Variants in XKR4 observed in about 807,000 individuals in gnomAD.
XKR4 encodes the protein XK-related protein 4.
XKR4 carries 12 observed loss-of-function variants against 53.9 expected under a neutral mutation model. That is an observed-to-expected ratio of 0.22 (90% CI 0.14 to 0.36). XKR4 has a LOEUF of 0.36. XKR4 is among the 10% of genes least tolerant of loss of function. The pLI, the probability that XKR4 is intolerant of heterozygous loss-of-function variation, is 1.00. For synonymous variants in XKR4, 354 were observed against 362.4 expected (o/e 0.98, Z 0.26); for missense variants, 799 against 859.5 (o/e 0.93, Z 0.88).
intron 2 of XKR4, among the ~76,000 whole-genome samples, chr8:55,490,711 T>A (rs763605640): frequency 9.7e-4 from 148 of 152,254 alleles, no homozygotes; most frequent in Non-Finnish European, 1.9e-3. Context: ...ATGTTTTTTT[T>A]AATTACTTTT....
At chr8:55,244,275 T>C (rs948999718) in intron 1 of XKR4, among the ~76,000 whole-genome samples, 2 of 152,218 alleles carry the variant, frequency 1.3e-5, no homozygotes, top group African/African-American at 4.8e-5. Flanking sequence ...TGTCTACGTG[T>C]ACTCAATGTT....
intron 2 of XKR4, among the ~76,000 whole-genome samples, chr8:55,373,213 C>T (rs1033182413): frequency 7.2e-5 from 11 of 152,134 alleles, no homozygotes; most frequent in East Asian, 1.9e-4. Context: ...GTCGTCTAGT[C>T]GGGAGTACAG....
intron 1 of XKR4, among the ~76,000 whole-genome samples, chr8:55,342,800 C>A (rs941017004): frequency 7.9e-5 from 12 of 152,202 alleles, no homozygotes; most frequent in Non-Finnish European, 1.8e-4. Flanking sequence ...TCCTTCCTGT[C>A]TTACTTCATT....
intron 2 of XKR4, among the ~76,000 whole-genome samples, chr8:55,487,103 G>A (rs1347806213): frequency 6.6e-6 from 1 of 152,158 alleles, no homozygotes; most frequent in Admixed American, 6.5e-5. Context: ...GCTGCAGGAT[G>A]GCTGAATCCA....
intron 1 of XKR4, among the ~76,000 whole-genome samples, chr8:55,286,020 G>A (rs145377899): frequency 7.9e-5 from 12 of 152,350 alleles, no homozygotes; most frequent in African/African-American, 2.9e-4. Flanking sequence ...CACCTACTGT[G>A]TGTATAAGTC....
rs1806846327 is a variant in XKR4 at position 55,524,098 on chromosome 8, G to A, written c.1824G>A (p.Glu608=). The A allele has an allele frequency of 1.2e-6, 2 of 1,614,256 alleles. No homozygotes were observed. The highest frequency in any genetic ancestry group is 1.7e-6 in the Non-Finnish European group (2 of 1,180,050). The change falls in exon 3 of 3, where the codon GAG becomes GAA. Residue 608 remains glutamate, a synonymous_variant. Coordinates refer to ENST00000327381, the MANE Select transcript of XKR4 (RefSeq NM_052898.2). ...DLFRNRYPAW[E]RHVLDRSLRK... Reference sequence around the variant, plus strand: ...TCAGGAATAGGTACCCAGCATGGGAGAGACATGTTTTGGACCGAAGCCTCC... The same window carrying A: ...TCAGGAATAGGTACCCAGCATGGGAAAGACATGTTTTGGACCGAAGCCTCC...
intron 2 of XKR4, among the ~76,000 whole-genome samples, chr8:55,378,373 T>C (rs1804180919): frequency 6.6e-6 from 1 of 152,204 alleles, no homozygotes; most frequent in Admixed American, 6.5e-5. Flanking sequence ...AACTGGCTAT[T>C]TTTATTGCCT....
At chr8:55,518,882 G>A (rs1048059100) in intron 2 of XKR4, among the ~76,000 whole-genome samples, 2 of 152,182 alleles carry the variant, frequency 1.3e-5, no homozygotes, top group Admixed American at 6.5e-5. Context: ...CAGGAGACAC[G>A]TCTGAAATAA....
chr8:55,474,864 C>T (rs1805955494), intron 2 of XKR4, among the ~76,000 whole-genome samples: 1 of 152,076 alleles, frequency 6.6e-6, no homozygotes, highest in South Asian at 2.1e-4. Context: ...TCTTCTAAAA[C>T]TGAATGTTTG....
At chr8:55,504,906 C>G (rs1806500943) in intron 2 of XKR4, among the ~76,000 whole-genome samples, 1 of 151,900 alleles carries the variant, frequency 6.6e-6, no homozygotes, top group Non-Finnish European at 1.5e-5. Flanking sequence ...TAGTGATGTC[C>G]CAACTTTTGC....
chr8:55,161,403 C>A, intron 1 of XKR4: 1 of 386,612 alleles, frequency 2.6e-6, no homozygotes, highest in South Asian at 1.9e-5. Context: ...ATCACAGTGA[C>A]TGTCATAATT....
chr8:55,212,750 G>A (rs146870195), intron 1 of XKR4, among the ~76,000 whole-genome samples: 1 of 152,256 alleles, frequency 6.6e-6, no homozygotes, highest in African/African-American at 2.4e-5. Context: ...AGCAAATCTC[G>A]TTACAGCAAA....
chr8:55,228,795 G>T (rs1325975526), intron 1 of XKR4, among the ~76,000 whole-genome samples: 1 of 151,520 alleles, frequency 6.6e-6, no homozygotes. Context: ...TTTTCCTTTT[G>T]CATGGTTCAT....
chr8:55,268,361 G>A lies in XKR4; in HGVS notation c.807-89317G>A, dbSNP rs142020607. ...TTATTTCTATCTTAACAGTAAATTG[G>A]TATAATGATACCAATGTTAGTCTCA... On this transcript the variant is annotated intron_variant, in intron 1 of 2. Coordinates refer to ENST00000327381, the MANE Select transcript of XKR4 (RefSeq NM_052898.2). Among the ~76,000 whole-genome samples, 54 of 152,198 alleles carry A rather than the reference G, an allele frequency of 3.5e-4. No homozygotes were observed. The East Asian group carries it at 0.01, about 29-fold the overall frequency.
At chr8:55,513,249 A>G (rs528316255) in intron 2 of XKR4, among the ~76,000 whole-genome samples, 50 of 152,286 alleles carry the variant, frequency 3.3e-4, no homozygotes, top group Non-Finnish European at 6.3e-4. Flanking sequence ...TGCACTCATT[A>G]CACATTCCCC....
intron 1 of XKR4, among the ~76,000 whole-genome samples, chr8:55,250,382 C>T (rs962149773): frequency 6.6e-6 from 1 of 152,162 alleles, no homozygotes; most frequent in African/African-American, 2.4e-5. Flanking sequence ...TCTAAAAAAG[C>T]AGGTCATACA....
At position 55,466,313 on chromosome 8, in the gene XKR4, T is replaced by G. The variant is rs540954108; in HGVS notation, c.1007-56968T>G. 7.9e-4 allele frequency among the ~76,000 whole-genome samples: 120 copies of G among 152,090 alleles called. 1 individual carries two copies. Among genetic ancestry groups the G allele is most frequent in the African/African-American group, 2.8e-3 (117 of 41,444 alleles). Reference sequence around the variant, plus strand: ...TGGAATACTATGCAGCCATAAAAAATGATGAGTTCATGTCCTTTGTAGGGA... The same window carrying G: ...TGGAATACTATGCAGCCATAAAAAAGGATGAGTTCATGTCCTTTGTAGGGA... On this transcript the variant is annotated intron_variant, in intron 2 of 2. Coordinates refer to ENST00000327381, the MANE Select transcript of XKR4 (RefSeq NM_052898.2).
chr8:55,468,641 T>C (rs1563359072), intron 2 of XKR4, among the ~76,000 whole-genome samples: 2 of 152,146 alleles, frequency 1.3e-5, no homozygotes, highest in African/African-American at 2.4e-5. Context: ...AAATCTCTCC[T>C]TTTTTATAGA....
intron 1 of XKR4, among the ~76,000 whole-genome samples, chr8:55,201,980 GTTTA>G (rs1315247590): frequency 4.6e-5 from 7 of 152,142 alleles, no homozygotes. Context: ...CTGAGATATG[GTTTA>G]TTTATTTACA....
Sources: allele counts gnomAD v4.1 joint callset (sites outside exome capture counted in the v4.1 genomes callset), GRCh38; gene constraint gnomAD v4.1.1; transcripts MANE v1.5; gene names NCBI Gene and HGNC (gene_info 2026-07-23, HGNC 2026-07-21).